HEATR6: variants seen among roughly 807,000 people sequenced by gnomAD.
The protein encoded by HEATR6 is HEAT repeat containing 6.
In HEATR6, 106 loss-of-function variants were observed where a neutral mutation model predicts 132.8. The observed-to-expected ratio is 0.80, with a 90% confidence interval of 0.68 to 0.94. The LOEUF is 0.94. HEATR6 is among the 40% of genes least tolerant of loss of function. The pLI is 0.00. For synonymous variants in HEATR6, 529 were observed against 537.8 expected (o/e 0.98, Z 0.23); for missense variants, 1,339 against 1,425.1 (o/e 0.94, Z 0.97).
rs1295407312 is a variant in HEATR6 at position 60,067,581 on chromosome 17, A to T, written c.1091T>A (p.Leu364Gln). Reference sequence around the variant, plus strand: ...ATCTAAAGGCAAACTCTGGACACCCAGGGAGGAGGGACACCAAGTGTTCCC... The same window carrying T: ...ATCTAAAGGCAAACTCTGGACACCCTGGGAGGAGGGACACCAAGTGTTCCC... ...HEGNTWCPSS[L>Q]GVQSLPLDGS... Residue 364 changes from leucine to glutamine, a missense_variant, in exon 8 of 20, where the codon CTG becomes CAG. Coordinates refer to ENST00000184956, the MANE Select transcript of HEATR6 (RefSeq NM_022070.5). 2 of 1,613,240 alleles carry T rather than the reference A, an allele frequency of 1.2e-6. No homozygotes were observed. Among genetic ancestry groups the T allele is most frequent in the African/African-American group, 1.3e-5 (1 of 74,870 alleles).
intron 17 of HEATR6, 51 bp from the exon 18 acceptor site, chr17:60,047,456 T>C (rs1356339438): frequency 9.9e-7 from 1 of 1,011,564 alleles, no homozygotes; most frequent in Non-Finnish European, 1.5e-6. Flanking sequence ...TACACTTAAA[T>C]ATATACATAT....
In HEATR6 at chr17:60,041,073, G is replaced by C. The variant is rs1261614123; in HGVS notation, c.*2490C>G. On this transcript the variant is annotated 3_prime_UTR_variant, in exon 20 of 20. Transcript: ENST00000184956. ...TCAGTGGCTTCCTTTCCCCACAGCA[G>C]CTTTATGGAGGCACGTGCCCAGGCA... 6.6e-6 allele frequency among the ~76,000 whole-genome samples: 1 copy of C among 152,206 alleles called. No individual in the cohort carries two copies. The highest frequency in any genetic ancestry group is 2.4e-5 in the African/African-American group (1 of 41,446).
chr17:60,067,391 A>G, intron 8 of HEATR6, 43 bp downstream of exon 8: 3 of 1,387,680 alleles, frequency 2.2e-6, no homozygotes, highest in Non-Finnish European at 2.9e-6. Context: ...ACTTACATGC[A>G]ACTTAGAATA....
intron 19 of HEATR6, among the ~76,000 whole-genome samples, chr17:60,045,256 C>G (rs1906324499): frequency 6.6e-6 from 1 of 152,226 alleles, no homozygotes; most frequent in South Asian, 2.1e-4. Flanking sequence ...GCTGACTGGT[C>G]TGCCTGGACG....
In HEATR6 at chr17:60,049,675, C is replaced by T; in HGVS notation, c.2452G>A (p.Val818Met). Residue 818 changes from valine to methionine, a missense_variant, in exon 16 of 20, where the codon GTG becomes ATG. Val to Met is a conservative substitution (Grantham distance 21). Transcript: ENST00000184956. ...PNDRQMLCIT[V>M]LLGLNDSKNR... ...TTGCTGTCATTCAGCCCGAGCAGCA[C>T]TGTGATGCACAGCATCTGCCTGTCA... 2.5e-6 allele frequency: 4 copies of T among 1,613,608 alleles called. No homozygotes were observed. Among genetic ancestry groups the T allele is most frequent in the Non-Finnish European group, 3.4e-6 (4 of 1,179,676 alleles).
intron 13 of HEATR6, 108 bp from the exon 14 acceptor site, chr17:60,055,709 C>T (rs573540168): frequency 7.8e-6 from 5 of 638,998 alleles, no homozygotes; most frequent in Admixed American, 3.2e-5. Context: ...CACCTCCACT[C>T]GAGTAACACC....
intron 7 of HEATR6, among the ~76,000 whole-genome samples, chr17:60,069,023 A>G (rs944851112): frequency 1.3e-5 from 2 of 152,234 alleles, no homozygotes; most frequent in Admixed American, 6.5e-5. Context: ...AATGAGTGAA[A>G]TAATTTCTAA....
rs1217860676 is a variant in HEATR6 at position 60,041,880 on chromosome 17, C to T, written c.*1683G>A. Among the ~76,000 whole-genome samples, 1 of 152,182 alleles carries T rather than the reference C, an allele frequency of 6.6e-6. No individual in the cohort carries two copies. The highest frequency in any genetic ancestry group is 1.5e-5 in the Non-Finnish European group (1 of 68,010). On this transcript the variant is annotated 3_prime_UTR_variant, in exon 20 of 20. Transcript: ENST00000184956. ...CACCAACACCCATTTTTTGTAACTT[C>T]TTAATTGTCCCACATCAAAGATAAG... is the stretch of plus-strand genomic sequence containing the variant.
intron 1 of HEATR6, among the ~76,000 whole-genome samples, chr17:60,077,577 C>T (rs2083302970): frequency 1.3e-5 from 2 of 152,236 alleles, no homozygotes; most frequent in African/African-American, 4.8e-5. Flanking sequence ...ATTTTAAAAT[C>T]CCTCCTCCAG....
chr17:60,055,331 C>G (rs1461553189), intron 14 of HEATR6, among the ~76,000 whole-genome samples, 184 bp downstream of exon 14: 1 of 152,176 alleles, frequency 6.6e-6, no homozygotes, highest in Non-Finnish European at 1.5e-5. Flanking sequence ...ACAAACTAAA[C>G]TGCAAATAAA....
At chr17:60,049,997 C>G (rs781217153) in intron 15 of HEATR6, among the ~76,000 whole-genome samples, 6 of 152,004 alleles carry the variant, frequency 3.9e-5, no homozygotes, top group South Asian at 2.1e-4. Context: ...CACTGAGGAC[C>G]AAAGAAAAAA....
At chr17:60,055,394 T>C in intron 14 of HEATR6, 121 bp downstream of exon 14, 1 of 592,830 alleles carries the variant, frequency 1.7e-6, no homozygotes, top group Non-Finnish European at 2.9e-6. Flanking sequence ...TCCTGGATTA[T>C]AAAACATAAT....
intron 15 of HEATR6, among the ~76,000 whole-genome samples, chr17:60,050,074 T>C (rs964755677): frequency 5.9e-5 from 9 of 152,130 alleles, no homozygotes; most frequent in African/African-American, 1.9e-4. Flanking sequence ...AAAATTCCTA[T>C]GTTGAAATCT....
At position 60,076,181 on chromosome 17, in the gene HEATR6, A is replaced by G; in HGVS notation, c.276T>C (p.His92=). ...TAAGCTGGCTCACTTTGCTGACAAG[A>G]TGATTCTGATTAAGAGGTACCAGTC... ...ACRLVPLNQN[H]LVSKVSQLIH... The change falls in exon 2 of 20, where the codon CAT becomes CAC. Residue 92 remains histidine, a synonymous_variant. Transcript: ENST00000184956. The G allele has an allele frequency of 6.2e-7, 1 of 1,612,496 alleles. No homozygotes were observed. The highest frequency in any genetic ancestry group is 8.5e-7 in the Non-Finnish European group (1 of 1,179,674).
At chr17:60,073,323 G>A (rs765157366) in intron 3 of HEATR6, 44 bp from the exon 4 acceptor site, 4 of 1,132,278 alleles carry the variant, frequency 3.5e-6, no homozygotes, top group South Asian at 1.3e-5. Context: ...AAAGCTTCTA[G>A]GAAAATATTA....
chr17:60,076,219 C>A lies in HEATR6; in HGVS notation c.238G>T (p.Val80Phe), dbSNP rs138266004. 8.7e-4 allele frequency: 1,393 copies of A among 1,596,664 alleles called. 1 individual carries two copies. The highest frequency in any genetic ancestry group is 1.1e-3 in the Non-Finnish European group (1,338 of 1,170,296). Reference sequence around the variant, plus strand: ...AGAGGTACCAGTCGGCAAGCCTGGACAAGAAGAGCACTAACGTCCTACCAA... The same window carrying A: ...AGAGGTACCAGTCGGCAAGCCTGGAAAAGAAGAGCACTAACGTCCTACCAA... ...VAPEDVSALLVQACRLVPLNQ... is the reference protein window; with the variant it reads ...VAPEDVSALLFQACRLVPLNQ... The change falls in exon 2 of 20, where the codon GTC becomes TTC. Residue 80 changes from valine (V) to phenylalanine (F), a missense_variant. Transcript: ENST00000184956.
At chr17:60,073,063 GT>G in intron 4 of HEATR6, 100 bp downstream of exon 4, 1 of 646,232 alleles carries the variant, frequency 1.5e-6, no homozygotes, top group African/African-American at 1.8e-5. Flanking sequence ...TTAGTTATTT[GT>G]CTAAGTTGGC....
chr17:60,050,763 G>A (rs1906551945), intron 15 of HEATR6, 80 bp downstream of exon 15: 2 of 1,538,176 alleles, frequency 1.3e-6, no homozygotes, highest in Non-Finnish European at 1.8e-6. Context: ...GCTGAATACT[G>A]GTTCAAAATG....
chr17:60,044,741 C>T (rs1906305019), intron 19 of HEATR6, among the ~76,000 whole-genome samples: 1 of 152,206 alleles, frequency 6.6e-6, no homozygotes, highest in East Asian at 1.9e-4. Flanking sequence ...TTTGGGGTGT[C>T]CTTACTCAAG....
Sources: allele counts gnomAD v4.1 joint callset (sites outside exome capture counted in the v4.1 genomes callset), GRCh38; gene constraint gnomAD v4.1.1; transcripts MANE v1.5; gene names NCBI Gene and HGNC (gene_info 2026-07-23, HGNC 2026-07-21).